The following MRS2 variants were observed in gnomAD, a reference collection of about 807,000 sequenced individuals.
The protein encoded by MRS2 is magnesium transporter MRS2 homolog, mitochondrial.
MRS2 carries 40 observed loss-of-function variants against 52.6 expected under a neutral mutation model. The ratio of observed to expected loss-of-function variants is 0.76; its 90% CI spans 0.59 to 0.99. The LOEUF (loss-of-function observed/expected upper bound fraction) is 0.99, where lower values mean the gene tolerates loss of function less well. Among genes scored for constraint, MRS2 ranks in the 50% least tolerant of loss-of-function variants. The probability of loss-of-function intolerance (pLI) is 0.00; values close to 1 mark genes in which losing one functional copy is unlikely to be tolerated. For synonymous variants in MRS2, 193 were observed against 195.9 expected (o/e 0.98, Z 0.13); for missense variants, 472 against 532.7 (o/e 0.89, Z 1.12).
Position 24,422,920 on chromosome 6 carries a change from A to ACT in MRS2, c.1108-16_1108-15dup. On this transcript the variant is annotated splice_polypyrimidine_tract_variant and intron_variant, in intron 9 of 10. Coordinates refer to ENST00000378386, the MANE Select transcript of MRS2 (RefSeq NM_020662.4). Reference sequence around the variant, plus strand: ...ACCTGGCGTTTTGCGATGGAAATGAACTGTGTTCTCTTTTAGGACCATAGA... The same window carrying ACT: ...ACCTGGCGTTTTGCGATGGAAATGAACTCTGTGTTCTCTTTTAGGACCATAGA... 6.7e-7 allele frequency: 1 copy of ACT among 1,483,690 alleles called. No homozygotes were observed. Among genetic ancestry groups the ACT allele is most frequent in the South Asian group, 1.2e-5 (1 of 85,826 alleles). The allele number at this position is 1,483,690 out of a possible 1,614,324, so 91.9% of individuals were successfully genotyped here.
chr6:24,416,917 A>G (rs1465873641), intron 7 of MRS2, among the ~76,000 whole-genome samples: 12 of 152,232 alleles, frequency 7.9e-5, no homozygotes, highest in Non-Finnish European at 1.5e-4. Flanking sequence ...TCTAATGAAA[A>G]TGTTAATCTT....
chr6:24,414,358 G>A (rs1052627191), intron 5 of MRS2, among the ~76,000 whole-genome samples: 4 of 148,692 alleles, frequency 2.7e-5, no homozygotes, highest in African/African-American at 7.7e-5. Context: ...GACTCTTAAC[G>A]AGCATGCTGC....
intron 10 of MRS2, chr6:24,423,295 A>G (rs1762116787): frequency 6.2e-6 from 3 of 481,884 alleles, no homozygotes; most frequent in Non-Finnish European, 3.7e-6. Flanking sequence ...AGTTAGAAAT[A>G]TAATTTGTGT....
intron 4 of MRS2, among the ~76,000 whole-genome samples, chr6:24,411,702 C>A (rs1233912495): frequency 6.6e-6 from 1 of 152,066 alleles, no homozygotes; most frequent in Non-Finnish European, 1.5e-5. Flanking sequence ...CCACGCCTAA[C>A]TGATTTTTGT....
At chr6:24,422,680 G>C (rs780891173) in intron 9 of MRS2, among the ~76,000 whole-genome samples, 8 of 152,094 alleles carry the variant, frequency 5.3e-5, no homozygotes, top group Admixed American at 2.6e-4. Flanking sequence ...GTAAACAAAG[G>C]CTGCAAAGAA....
At chr6:24,406,509 C>T (rs949381256) in intron 2 of MRS2, among the ~76,000 whole-genome samples, 1 of 152,130 alleles carries the variant, frequency 6.6e-6, no homozygotes, top group African/African-American at 2.4e-5. Context: ...CACGGTGGCT[C>T]ACGCCTGTAA....
intron 9 of MRS2, among the ~76,000 whole-genome samples, chr6:24,420,173 C>T (rs1473731213): frequency 6.6e-6 from 1 of 152,190 alleles, no homozygotes; most frequent in Non-Finnish European, 1.5e-5. Context: ...CAGTGTCCTT[C>T]CCAGACATGC....
chr6:24,407,679 C>A (rs1223621743), intron 2 of MRS2, among the ~76,000 whole-genome samples: 1 of 152,002 alleles, frequency 6.6e-6, no homozygotes, highest in Non-Finnish European at 1.5e-5. Flanking sequence ...GCAACACCCA[C>A]CAAAGAGACT....
rs1342399116 is a variant in MRS2, at chr6:24,407,169, G to T, written c.265-1239G>T. On this transcript the variant is annotated intron_variant, in intron 2 of 10. Transcript: ENST00000378386. ...TTTTCTCTAAAATTTGTCATTTCAG[G>T]TGATTAATATAGTTTTATGTTACGT... 2.0e-5 allele frequency among the ~76,000 whole-genome samples: 3 copies of T among 149,008 alleles called. No individual in the cohort carries two copies. In the Admixed American group the frequency reaches 2.0e-4, roughly 10 times the overall value.
rs200581439 is a variant in MRS2 at position 24,409,996 on chromosome 6, A to AT, written c.414+433dup. 6.6e-5 allele frequency among the ~76,000 whole-genome samples: 10 copies of AT among 150,644 alleles called. No homozygotes were observed. In the South Asian group the frequency reaches 8.4e-4, roughly 13 times the overall value. ...ATAGACATTAAATTTTATAGCCTTAATTTTTTTTTTGAGATGGAGTTTTGC... is the reference window on the plus strand; with the variant it reads ...ATAGACATTAAATTTTATAGCCTTAATTTTTTTTTTTGAGATGGAGTTTTGC... On this transcript the variant is annotated intron_variant, in intron 4 of 10. Transcript: ENST00000378386.
chr6:24,419,882 C>T (rs1256428052), intron 9 of MRS2, among the ~76,000 whole-genome samples: 2 of 152,142 alleles, frequency 1.3e-5, no homozygotes, highest in Non-Finnish European at 2.9e-5. Context: ...CACAGAATAG[C>T]TTATTGTAAG....
chr6:24,419,997 T>C (rs1478535731), intron 9 of MRS2, among the ~76,000 whole-genome samples: 1 of 152,232 alleles, frequency 6.6e-6, no homozygotes, highest in Non-Finnish European at 1.5e-5. Flanking sequence ...CACCTCCCAT[T>C]AGGACCACTA....
rs781244571 is a variant in MRS2, at chr6:24,403,018, G to C, written c.-29G>C. On this transcript the variant is annotated 5_prime_UTR_variant, in exon 1 of 11. Coordinates refer to ENST00000378386, the MANE Select transcript of MRS2 (RefSeq NM_020662.4). ...CGTCCGGCATGAAGGTCTGGGGTCT[G>C]GCTGCTGCCTGCTTCTTGCTCCAGC... 4.5e-6 allele frequency: 7 copies of C among 1,557,040 alleles called. No individual in the cohort carries two copies. The highest frequency in any genetic ancestry group is 2.4e-5 in the South Asian group (2 of 82,022).
chr6:24,406,117 A>T (rs2127281696), intron 2 of MRS2, among the ~76,000 whole-genome samples: 2 of 151,648 alleles, frequency 1.3e-5, no homozygotes, highest in South Asian at 4.2e-4. Flanking sequence ...AAAAAAAAAA[A>T]AAAAGGTGTG....
At position 24,403,019 on chromosome 6, in the gene MRS2, GCTGCTGC is replaced by G. The variant is rs1477423001; in HGVS notation, c.-22_-16del. On this transcript the variant is annotated 5_prime_UTR_variant, in exon 1 of 11. Transcript: ENST00000378386. ...GTCCGGCATGAAGGTCTGGGGTCTG[GCTGCTGC>G]CTGCTTCTTGCTCCAGCACCATGGA... 3 of 1,557,690 alleles carry G rather than the reference GCTGCTGC, an allele frequency of 1.9e-6. No individual in the cohort carries two copies. The highest frequency in any genetic ancestry group is 2.6e-6 in the Non-Finnish European group (3 of 1,154,192).
At chr6:24,412,188 T>C (rs1455199679) in intron 4 of MRS2, 34 bp from the exon 5 acceptor site, 8 of 1,396,714 alleles carry the variant, frequency 5.7e-6, no homozygotes, top group Non-Finnish European at 7.8e-6. Flanking sequence ...TACACTCACA[T>C]ATTTATATGT....
intron 9 of MRS2, among the ~76,000 whole-genome samples, chr6:24,422,351 A>G (rs929284016): frequency 6.6e-6 from 1 of 152,208 alleles, no homozygotes; most frequent in Non-Finnish European, 1.5e-5. Context: ...TACATTAACT[A>G]AAAACAGTGT....
chr6:24,418,450 C>A lies in MRS2; in HGVS notation c.990-11C>A. The A allele has an allele frequency of 6.2e-7, 1 of 1,612,700 alleles. No homozygotes were observed. The highest frequency in any genetic ancestry group is 8.5e-7 in the Non-Finnish European group (1 of 1,179,804). ...GGCCCTTCTAATCTGAATAGGTGTTCTCCTCTCCAGCCACCGAAACGTGAT... is the reference window on the plus strand; with the variant it reads ...GGCCCTTCTAATCTGAATAGGTGTTATCCTCTCCAGCCACCGAAACGTGAT... On this transcript the variant is annotated splice_polypyrimidine_tract_variant and intron_variant, in intron 8 of 10. Transcript: ENST00000378386.
rs369243656 is a variant in MRS2 at position 24,424,295 on chromosome 6, G to T, written c.*601G>T. On this transcript the variant is annotated 3_prime_UTR_variant, in exon 11 of 11. Coordinates refer to ENST00000378386, the MANE Select transcript of MRS2 (RefSeq NM_020662.4). ...TATGGATTCCTAATCAAGATTTCAC[G>T]TTCTCAGCCCCTGAGACTAGTTTTC... 6.6e-6 allele frequency: 1 copy of T among 151,956 alleles called. No individual in the cohort carries two copies. The highest frequency in any genetic ancestry group is 6.6e-5 in the Admixed American group (1 of 15,240). 9.4% of individuals were successfully genotyped at this position (151,956 alleles called of 1,614,324 possible).
Sources: allele counts gnomAD v4.1 joint callset (sites outside exome capture counted in the v4.1 genomes callset), GRCh38; gene constraint gnomAD v4.1.1; transcripts MANE v1.5; gene names NCBI Gene and HGNC (gene_info 2026-07-23, HGNC 2026-07-21).